Variants in ALPK1 observed in about 807,000 individuals in gnomAD.
ALPK1 encodes the protein alpha-protein kinase 1.
Under a neutral mutation model 120.6 loss-of-function variants are expected in ALPK1, and 110 were observed. The ratio of observed to expected loss-of-function variants is 0.91; its 90% CI spans 0.78 to 1.07. The LOEUF (loss-of-function observed/expected upper bound fraction) is 1.07. ALPK1 is among the 50% of genes least tolerant of loss of function. The pLI is 0.00. For synonymous variants in ALPK1, 582 were observed against 560.3 expected, an observed-to-expected ratio of 1.04 and a Z score of -0.55; for missense variants, 1,498 against 1,483.9, an observed-to-expected ratio of 1.01 and a Z score of -0.16.
rs1033885303 is a variant in ALPK1, at chr4:112,430,754, G to C, written c.1207G>C (p.Ala403Pro). 1.1e-5 allele frequency: 18 copies of C among 1,614,130 alleles called. No homozygotes were observed. Among genetic ancestry groups the C allele is most frequent in the Admixed American group, 1.7e-5 (1 of 60,010 alleles). Residue 403 changes from alanine (A) to proline (P), a missense_variant, in exon 11 of 16, where the codon GCT becomes CCT. Physicochemically the swap from Ala to Pro is conservative, Grantham distance 27. Transcript: ENST00000650871. ...STSSRSQDRE[A>P]LSQEVMSVIA... ...TTCCTCCAGAAGTCAGGACAGAGAAGCTCTGTCTCAAGAAGTTATGTCTGT... is the reference window on the plus strand; with the variant it reads ...TTCCTCCAGAAGTCAGGACAGAGAACCTCTGTCTCAAGAAGTTATGTCTGT...
chr4:112,397,807 G>T (rs1217272040), intron 4 of ALPK1, among the ~76,000 whole-genome samples: 2 of 148,606 alleles, frequency 1.3e-5, no homozygotes, highest in Non-Finnish European at 3.0e-5. Flanking sequence ...GCTGGGGTGG[G>T]GTGGGGAGCA....
At chr4:112,316,967 A>C (rs1188016447) in intron 2 of ALPK1, among the ~76,000 whole-genome samples, 2 of 152,196 alleles carry the variant, frequency 1.3e-5, no homozygotes, top group Non-Finnish European at 2.9e-5. Flanking sequence ...TAAGCACTTT[A>C]AACAACAACA....
chr4:112,356,742 G>T (rs1417476871), intron 2 of ALPK1: 2 of 832,920 alleles, frequency 2.4e-6, no homozygotes, highest in Non-Finnish European at 4.2e-6. Context: ...AGCAAGCACG[G>T]AGTATGCCCT....
chr4:112,426,525 T>C lies in ALPK1; in HGVS notation c.681T>C (p.Leu227=). 6.3e-7 allele frequency: 1 copy of C among 1,578,952 alleles called. No individual in the cohort carries two copies. Among genetic ancestry groups the C allele is most frequent in the South Asian group, 1.2e-5 (1 of 84,404 alleles). The change falls in exon 8 of 16, where the codon CTT becomes CTC. Residue 227 remains leucine, a synonymous_variant. Coordinates refer to ENST00000650871, the MANE Select transcript of ALPK1 (RefSeq NM_025144.4). The stretch of plus-strand genomic sequence containing the variant: ...CCTCCATTGTAGGATATTTGGCACT[T>C]CCTCAGCCGGATAAAAAGGTGGTTT... ...IWASIVGYLA[L]PQPDKKGLST... is the part of the protein sequence containing the mutation.
At position 112,432,421 on chromosome 4, in the gene ALPK1, G is replaced by T. The variant is rs751831746; in HGVS notation, c.2874G>T (p.Trp958Cys). Reference protein sequence around the residue: ...WSYLNSSGSSWVSLPGKMRKE... With the variant: ...WSYLNSSGSSCVSLPGKMRKE... ...ATCTGAATTCCAGTGGGAGTTCTTG[G>T]GTTTCATTGCCGGGAAAGATGAGGA... Residue 958 changes from tryptophan to cysteine, a missense_variant, in exon 11 of 16, where the codon TGG becomes TGT. Coordinates refer to ENST00000650871, the MANE Select transcript of ALPK1 (RefSeq NM_025144.4). 1.2e-6 allele frequency: 2 copies of T among 1,614,132 alleles called. No homozygotes were observed. Among genetic ancestry groups the T allele is most frequent in the East Asian group, 4.5e-5 (2 of 44,876 alleles).
chr4:112,330,130 A>C (rs945620667), intron 2 of ALPK1, among the ~76,000 whole-genome samples: 1 of 152,238 alleles, frequency 6.6e-6, no homozygotes, highest in African/African-American at 2.4e-5. Flanking sequence ...ATGAATCATA[A>C]AGTAGAGCTT....
At chr4:112,335,980 GA>G (rs926256495) in intron 2 of ALPK1, among the ~76,000 whole-genome samples, 2 of 151,150 alleles carry the variant, frequency 1.3e-5, no homozygotes, top group East Asian at 3.9e-4. Context: ...TTTGCATTCT[GA>G]AAAAATAAAT....
intron 2 of ALPK1, among the ~76,000 whole-genome samples, chr4:112,376,844 A>G (rs1731685343): frequency 6.6e-6 from 1 of 152,206 alleles, no homozygotes; most frequent in African/African-American, 2.4e-5. Context: ...GCAATGTCTA[A>G]CTTCCTGTCT....
rs556118810 is a variant in ALPK1 at position 112,430,360 on chromosome 4, T to C, written c.901-88T>C. 2.7e-4 allele frequency: 331 copies of C among 1,239,344 alleles called. 1 individual carries two copies. The African/African-American group carries it at 4.4e-3, about 17-fold the overall frequency. 76.8% of individuals were successfully genotyped at this position (1,239,344 alleles called of 1,614,324 possible). A position where few individuals can be genotyped will look rare whatever the true frequency, so the allele number is the denominator to read the frequency against. Reference sequence around the variant, plus strand: ...GTTCATTTTTCTATAATATTTCAAATGACTGTCCTCCAGAAATGAAAAGTT... The same window carrying C: ...GTTCATTTTTCTATAATATTTCAAACGACTGTCCTCCAGAAATGAAAAGTT... On this transcript the variant is annotated intron_variant, in intron 10 of 15. Transcript: ENST00000650871.
At chr4:112,335,007 C>T (rs1335170369) in intron 2 of ALPK1, among the ~76,000 whole-genome samples, 3 of 152,106 alleles carry the variant, frequency 2.0e-5, no homozygotes, top group Admixed American at 6.5e-5. Context: ...GCCTGTAATC[C>T]CAGCACTTGG....
chr4:112,433,571 C>CG (rs1248328734), intron 11 of ALPK1, among the ~76,000 whole-genome samples: 2 of 152,194 alleles, frequency 1.3e-5, no homozygotes, highest in African/African-American at 4.8e-5. Context: ...CTGCCCAAAG[C>CG]GGGAAGCCTG....
At position 112,438,227 on chromosome 4, in the gene ALPK1, C is replaced by T. The variant is rs115729384; in HGVS notation, c.3189-257C>T. Among the ~76,000 whole-genome samples the T allele has an allele frequency of 6.2e-3, 943 of 152,282 alleles. 19 individuals carry two copies. The East Asian group carries it at 0.07, about 11-fold the overall frequency. Reference sequence around the variant, plus strand: ...CTTGTCTTACCAGAGGTCTGGAGAACTTCTACATTAAGTGACACTTTCCCT... The same window carrying T: ...CTTGTCTTACCAGAGGTCTGGAGAATTTCTACATTAAGTGACACTTTCCCT... On this transcript the variant is annotated intron_variant, in intron 12 of 15. Coordinates refer to ENST00000650871, the MANE Select transcript of ALPK1 (RefSeq NM_025144.4).
rs559442196 is a variant in ALPK1, at chr4:112,405,094, C to A, written c.277-6733C>A. Among the ~76,000 whole-genome samples the A allele has an allele frequency of 1.3e-5, 2 of 152,326 alleles. 1 individual carries two copies. Among genetic ancestry groups the A allele is most frequent in the East Asian group, 3.9e-4 (2 of 5,188 alleles). On this transcript the variant is annotated intron_variant, in intron 4 of 15. Coordinates refer to ENST00000650871, the MANE Select transcript of ALPK1 (RefSeq NM_025144.4). ...GCTGATCAATATTCTGCTGAAGACT[C>A]AAAGGGGACCCTCTGCAGATCTCTG... is the stretch of plus-strand genomic sequence containing the variant.
chr4:112,320,229 T>C (rs1200390816), intron 2 of ALPK1, among the ~76,000 whole-genome samples: 1 of 152,204 alleles, frequency 6.6e-6, no homozygotes, highest in Non-Finnish European at 1.5e-5. Context: ...TCTATGCCAA[T>C]TTTGTTGAGG....
rs1473424430 is a variant in ALPK1 at position 112,431,009 on chromosome 4, G to T, written c.1462G>T (p.Val488Phe). Reference sequence around the variant, plus strand: ...TGAACAGAAAGATGCAAAAACAGGAGTCTGCATCACTGCTCTAAAAACAGA... The same window carrying T: ...TGAACAGAAAGATGCAAAAACAGGATTCTGCATCACTGCTCTAAAAACAGA... ...KNEQKDAKTG[V>F]CITALKTEIK... The change falls in exon 11 of 16, where the codon GTC becomes TTC. Residue 488 changes from valine to phenylalanine, a missense_variant. Physicochemically the swap from Val to Phe is conservative, Grantham distance 50. Coordinates refer to ENST00000650871, the MANE Select transcript of ALPK1 (RefSeq NM_025144.4). 1 of 1,613,382 alleles carries T rather than the reference G, an allele frequency of 6.2e-7. No homozygotes were observed. Among genetic ancestry groups the T allele is most frequent in the African/African-American group, 1.3e-5 (1 of 74,916 alleles).
intron 2 of ALPK1, among the ~76,000 whole-genome samples, chr4:112,339,705 T>G (rs1234232627): frequency 6.6e-6 from 1 of 152,228 alleles, no homozygotes; most frequent in African/African-American, 2.4e-5. Context: ...GCAGCTCAGT[T>G]GGATATAGTC....
chr4:112,330,057 G>A (rs756013449), intron 2 of ALPK1, among the ~76,000 whole-genome samples: 2 of 152,160 alleles, frequency 1.3e-5, no homozygotes, highest in Non-Finnish European at 2.9e-5. Flanking sequence ...ATTGAAAAAC[G>A]CTGATTAGAA....
intron 2 of ALPK1, among the ~76,000 whole-genome samples, chr4:112,364,420 G>T (rs1309888486): frequency 2.0e-5 from 3 of 151,836 alleles, no homozygotes; most frequent in African/African-American, 7.2e-5. Flanking sequence ...ATCATTCAAG[G>T]CTACTATGAA....
chr4:112,430,041 C>T (rs528878172), intron 10 of ALPK1, among the ~76,000 whole-genome samples: 14 of 152,168 alleles, frequency 9.2e-5, no homozygotes, highest in East Asian at 7.7e-4. Context: ...CCTATTGTTT[C>T]GACATTAAAT....
Sources: allele counts gnomAD v4.1 joint callset (sites outside exome capture counted in the v4.1 genomes callset), GRCh38; gene constraint gnomAD v4.1.1; transcripts MANE v1.5; gene names NCBI Gene and HGNC (gene_info 2026-07-23, HGNC 2026-07-21).